The following CNTNAP2 variants were observed in gnomAD, a reference collection of about 807,000 sequenced individuals.
CNTNAP2 encodes the protein contactin associated protein 2, also known as contactin-associated protein-like 2.
CNTNAP2 carries 98 observed loss-of-function variants against 155.2 expected under a neutral mutation model. That is an observed-to-expected ratio of 0.63 (90% CI 0.54 to 0.75). The LOEUF is 0.75. CNTNAP2 is among the 30% of genes least tolerant of loss of function. The pLI, the probability that CNTNAP2 is intolerant of heterozygous loss-of-function variation, is 0.00. For missense variants in CNTNAP2, 1,727 were observed against 1,688.1 expected, an observed-to-expected ratio of 1.02 and a Z score of -0.40; for synonymous variants, 651 against 631.2, an observed-to-expected ratio of 1.03 and a Z score of -0.47.
chr7:147,873,419 G>A (rs1799362965), intron 13 of CNTNAP2, among the ~76,000 whole-genome samples: 1 of 152,122 alleles, frequency 6.6e-6, no homozygotes, highest in Non-Finnish European at 1.5e-5. Context: ...CACAAAGGAA[G>A]GGCAAAGGCA....
At position 146,985,308 on chromosome 7, in the gene CNTNAP2, ATT is replaced by A. The variant is rs71165057; in HGVS notation, c.403-58571_403-58570del. On this transcript the variant is annotated intron_variant, in intron 3 of 23. Transcript: ENST00000361727. ...CAAAGTGCTTGTGGAAAATGCTTGA[ATT>A]TTTTTTTTTTTTTTTTTTTTTTTTT... Among the ~76,000 whole-genome samples the A allele has an allele frequency of 8.5e-3, 1,083 of 127,102 alleles. 1 individual carries two copies. The highest frequency in any genetic ancestry group is 0.011 in the South Asian group (44 of 3,920). 83.4% of individuals were successfully genotyped at this position (127,102 alleles called of 152,430 possible).
intron 21 of CNTNAP2, among the ~76,000 whole-genome samples, chr7:148,369,828 C>T (rs1320430713): frequency 2.0e-5 from 3 of 152,014 alleles, no homozygotes; most frequent in African/African-American, 4.8e-5. Context: ...TTCCAACTTT[C>T]GAAAAGTCTT....
chr7:147,775,958 G>A (rs1374776209), intron 13 of CNTNAP2, among the ~76,000 whole-genome samples: 1 of 152,158 alleles, frequency 6.6e-6, no homozygotes, highest in African/African-American at 2.4e-5. Flanking sequence ...GTTTTGTATT[G>A]TTTCATGTGC....
chr7:148,134,080 A>T (rs965762205), intron 16 of CNTNAP2, among the ~76,000 whole-genome samples: 1 of 152,192 alleles, frequency 6.6e-6, no homozygotes, highest in Non-Finnish European at 1.5e-5. Flanking sequence ...ATCTGTTAAG[A>T]GTTTGACAAA....
At chr7:148,038,943 TC>T (rs2116474993) in intron 15 of CNTNAP2, among the ~76,000 whole-genome samples, 1 of 152,318 alleles carries the variant, frequency 6.6e-6, no homozygotes, top group South Asian at 2.1e-4. Flanking sequence ...CAACAGGCCC[TC>T]TTTTTGTTAA....
chr7:146,663,882 T>G, intron 1 of CNTNAP2, among the ~76,000 whole-genome samples: 1 of 150,222 alleles, frequency 6.7e-6, no homozygotes, highest in Non-Finnish European at 1.5e-5. Context: ...TTTGTAGAGT[T>G]ATTACATTGA....
At chr7:146,622,185 A>ACACG (rs1491453342) in intron 1 of CNTNAP2, among the ~76,000 whole-genome samples, 8 of 144,036 alleles carry the variant, frequency 5.6e-5, no homozygotes, top group African/African-American at 1.9e-4. Flanking sequence ...ATATATACAC[A>ACACG]TATATACATA....
chr7:147,064,572 G>C (rs2129263566), intron 4 of CNTNAP2, among the ~76,000 whole-genome samples: 1 of 152,216 alleles, frequency 6.6e-6, no homozygotes, highest in Non-Finnish European at 1.5e-5. Context: ...TACCTTGAAT[G>C]CACACACACC....
At position 147,221,157 on chromosome 7, in the gene CNTNAP2, C is replaced by T. The variant is rs112912143; in HGVS notation, c.1349-78984C>T. Among the ~76,000 whole-genome samples the T allele has an allele frequency of 9.4e-3, 1,427 of 151,834 alleles. 22 individuals carry two copies. The highest frequency in any genetic ancestry group is 0.033 in the African/African-American group (1,379 of 41,422). On this transcript the variant is annotated intron_variant, in intron 8 of 23. Coordinates refer to ENST00000361727, the MANE Select transcript of CNTNAP2 (RefSeq NM_014141.6). ...TATAATAAAAAAAAACTCTTAATTTCTTCCTCCCATCCCTTGTATCATTAA... is the reference window on the plus strand; with the variant it reads ...TATAATAAAAAAAAACTCTTAATTTTTTCCTCCCATCCCTTGTATCATTAA...
intron 8 of CNTNAP2, among the ~76,000 whole-genome samples, chr7:147,175,711 C>T (rs1802326003): frequency 6.6e-6 from 1 of 152,136 alleles, no homozygotes; most frequent in Non-Finnish European, 1.5e-5. Flanking sequence ...CTCCCCATGA[C>T]TTCCTTGAGC....
intron 9 of CNTNAP2, among the ~76,000 whole-genome samples, chr7:147,326,817 T>C (rs943994227): frequency 1.3e-5 from 2 of 152,246 alleles, no homozygotes; most frequent in African/African-American, 4.8e-5. Flanking sequence ...TCACTTACCC[T>C]TGGCTTTTAT....
chr7:147,299,065 C>G (rs1794891879), intron 8 of CNTNAP2, among the ~76,000 whole-genome samples: 2 of 152,132 alleles, frequency 1.3e-5, no homozygotes, highest in Admixed American at 1.3e-4. Flanking sequence ...AGCACGTCCT[C>G]ATGTAACTTC....
chr7:148,361,799 A>G (rs1265900697), intron 21 of CNTNAP2, among the ~76,000 whole-genome samples: 1 of 152,202 alleles, frequency 6.6e-6, no homozygotes, highest in African/African-American at 2.4e-5. Context: ...ATGGCTGGGG[A>G]GTCCTCAGGA....
chr7:147,228,202 C>A lies in CNTNAP2; in HGVS notation c.1349-71939C>A, dbSNP rs560041210. Among the ~76,000 whole-genome samples, 3 of 152,200 alleles carry A rather than the reference C, an allele frequency of 2.0e-5. 1 individual carries two copies. The South Asian group carries it at 6.2e-4, about 32-fold the overall frequency. ...GAATGAAAGTAAAAAGCTATTGAAA[C>A]CAGAGAATACAGATTCTTACTTTTG... On this transcript the variant is annotated intron_variant, in intron 8 of 23. Transcript: ENST00000361727.
intron 9 of CNTNAP2, among the ~76,000 whole-genome samples, chr7:147,395,374 C>A (rs149088956): frequency 2.0e-5 from 3 of 152,068 alleles, no homozygotes; most frequent in African/African-American, 4.8e-5. Context: ...TGACAGTAGA[C>A]CCCAGAGGCA....
At chr7:147,127,837 A>G (rs1801272319) in intron 6 of CNTNAP2, among the ~76,000 whole-genome samples, 1 of 152,192 alleles carries the variant, frequency 6.6e-6, no homozygotes, top group Non-Finnish European at 1.5e-5. Flanking sequence ...TATTACAAGT[A>G]TTGTATATCT....
In CNTNAP2 at chr7:147,148,241, A is replaced by T. The variant is rs543173931; in HGVS notation, c.1348+15732A>T. On this transcript the variant is annotated intron_variant, in intron 8 of 23. Transcript: ENST00000361727. ...CCGTCTCTACTAAAAATACAAAAAA[A>T]TAGCCGGGCGTAGTGGCGGGCGCCT... 5.2e-3 allele frequency among the ~76,000 whole-genome samples: 780 copies of T among 151,406 alleles called. 9 individuals are homozygous for T. Among genetic ancestry groups the T allele is most frequent in the African/African-American group, 0.017 (718 of 41,194 alleles).
chr7:147,609,394 G>C (rs549936655), intron 12 of CNTNAP2, among the ~76,000 whole-genome samples: 1 of 152,250 alleles, frequency 6.6e-6, no homozygotes, highest in Non-Finnish European at 1.5e-5. Flanking sequence ...AGCCAGGCAT[G>C]GTGGCGGGTG....
intron 1 of CNTNAP2, among the ~76,000 whole-genome samples, chr7:146,696,267 C>T (rs1800781132): frequency 6.6e-6 from 1 of 152,148 alleles, no homozygotes; most frequent in African/African-American, 2.4e-5. Flanking sequence ...ATTGCGCCTT[C>T]TGTGGAATCA....
Sources: allele counts gnomAD v4.1 joint callset (sites outside exome capture counted in the v4.1 genomes callset), GRCh38; gene constraint gnomAD v4.1.1; transcripts MANE v1.5; gene names NCBI Gene and HGNC (gene_info 2026-07-23, HGNC 2026-07-21).